Variants in VWF observed in about 807,000 individuals in gnomAD.
VWF encodes von Willebrand factor, also known as Factor VIII related antigen.
Under a neutral mutation model 308.6 loss-of-function variants are expected in VWF, and 176 were observed. The ratio of observed to expected loss-of-function variants is 0.57; its 90% CI spans 0.50 to 0.65. The LOEUF (loss-of-function observed/expected upper bound fraction) is 0.65. VWF is among the 30% of genes least tolerant of loss of function. The pLI, the probability that VWF is intolerant of heterozygous loss-of-function variation, is 0.00. For synonymous variants in VWF, 1,385 were observed against 1,443.4 expected (o/e 0.96, Z 0.92); for missense variants, 3,146 against 3,648.2 (o/e 0.86, Z 3.55).
chr12:6,088,404 G>A lies in VWF; in HGVS notation c.657+7056C>T, dbSNP rs957675222. Reference sequence around the variant, plus strand: ...TGAGGCGGGAGAATGGCGTGAACCCGGGAGGCGGAGCTTGCAGTGAGCCAA... The same window carrying A: ...TGAGGCGGGAGAATGGCGTGAACCCAGGAGGCGGAGCTTGCAGTGAGCCAA... On this transcript the variant is annotated intron_variant, in intron 6 of 51. Coordinates refer to ENST00000261405, the MANE Select transcript of VWF (RefSeq NM_000552.5). Among the ~76,000 whole-genome samples, 7 of 151,578 alleles carry A rather than the reference G, an allele frequency of 4.6e-5. No individual in the cohort carries two copies. The East Asian group carries it at 5.9e-4, about 13-fold the overall frequency.
rs1176026940 is a variant in VWF at position 5,960,062 on chromosome 12, TATATA to T, written c.7888-6473_7888-6469del. ...CTTTGAAAGATTAATAATATAATAA[TATATA>T]ATATAATAATAATTAATATATAATA... On this transcript the variant is annotated intron_variant, in intron 47 of 51. Transcript: ENST00000261405. Among the ~76,000 whole-genome samples the T allele has an allele frequency of 5.4e-5, 8 of 147,664 alleles. No individual in the cohort carries two copies. In the East Asian group the frequency reaches 1.6e-3, roughly 29 times the overall value.
chr12:5,976,159 G>C lies in VWF; in HGVS notation c.7389C>G (p.Leu2463=). ...GCTTCTGGGAGCACTGGGCCACGCG[G>C]AGGCCCATCACGGCATCCTCCATGT... ...CTDMEDAVMG[L]RVAQCSQKPC... Residue 2463 remains leucine (L), a synonymous_variant, in exon 43 of 52, where the codon CTC becomes CTG. Coordinates refer to ENST00000261405, the MANE Select transcript of VWF (RefSeq NM_000552.5). The C allele has an allele frequency of 6.2e-7, 1 of 1,614,104 alleles. No individual in the cohort carries two copies. Among genetic ancestry groups the C allele is most frequent in the East Asian group, 2.2e-5 (1 of 44,872 alleles).
chr12:6,015,650 A>G (rs1260825053), intron 31 of VWF, among the ~76,000 whole-genome samples: 2 of 151,944 alleles, frequency 1.3e-5, no homozygotes, highest in Non-Finnish European at 2.9e-5. Flanking sequence ...TTTGTCTCTC[A>G]TCCATCAACC....
intron 10 of VWF, among the ~76,000 whole-genome samples, chr12:6,070,765 T>C (rs1485318059): frequency 2.0e-5 from 3 of 152,020 alleles, no homozygotes; most frequent in South Asian, 2.1e-4. Context: ...ATGGCAGAGA[T>C]TGCTCAATAA....
chr12:6,039,683 T>C (rs1193738547), intron 18 of VWF, among the ~76,000 whole-genome samples: 1 of 152,216 alleles, frequency 6.6e-6, no homozygotes, highest in Non-Finnish European at 1.5e-5. Flanking sequence ...TAGGAGATAT[T>C]TCTGAAACAG....
chr12:6,057,954 C>T lies in VWF; in HGVS notation c.1624G>A (p.Ala542Thr), dbSNP rs765922774. Residue 542 changes from alanine to threonine, a missense_variant, in exon 14 of 52, where the codon GCG becomes ACG. Around this residue, in one of 3 missense-constraint regions of VWF, gnomAD observed 1,304 missense variants for 1,353.0 expected, o/e 0.96. Coordinates refer to ENST00000261405, the MANE Select transcript of VWF (RefSeq NM_000552.5). ...GDDFLTPSGL[A>T]EPRVEDFGNA... The stretch of plus-strand genomic sequence containing the variant: ...CCGAAGTCCTCCACCCGGGGCTCCG[C>T]CAGCCCAGAGGGGGTAAGGAAGTCG... 1 of 1,613,758 alleles carries T rather than the reference C, an allele frequency of 6.2e-7. No individual in the cohort carries two copies. The highest frequency in any genetic ancestry group is 1.7e-5 in the Admixed American group (1 of 60,030).
chr12:5,954,055 C>T (rs1047038154), intron 47 of VWF, among the ~76,000 whole-genome samples: 1 of 152,168 alleles, frequency 6.6e-6, no homozygotes, highest in Admixed American at 6.5e-5. Flanking sequence ...CTGCTTATCA[C>T]CAAATCTTGC....
At chr12:5,998,494 AAAAAATAT>A (rs1943835483) in intron 34 of VWF, among the ~76,000 whole-genome samples, 1 of 36,478 alleles carries the variant, frequency 2.7e-5, no homozygotes, top group Non-Finnish European at 4.5e-5. Flanking sequence ...AAAAAAAAAA[AAAAAATAT>A]ATATATATAT....
intron 5 of VWF, among the ~76,000 whole-genome samples, chr12:6,102,973 T>C (rs556078150): frequency 6.6e-6 from 1 of 152,106 alleles, no homozygotes; most frequent in Non-Finnish European, 1.5e-5. Context: ...TCACAATATG[T>C]GACTTCAAAA....
In VWF at chr12:6,019,167, C is replaced by T; in HGVS notation, c.4251G>A (p.Gly1417=). The T allele has an allele frequency of 6.2e-7, 1 of 1,613,878 alleles. No individual in the cohort carries two copies. Among genetic ancestry groups the T allele is most frequent in the Non-Finnish European group, 8.5e-7 (1 of 1,179,858 alleles). Residue 1417 remains glycine, a synonymous_variant, in exon 28 of 52, where the codon GGG becomes GGA. Coordinates refer to ENST00000261405, the MANE Select transcript of VWF (RefSeq NM_000552.5). The surrounding 1 kb of genome is among the most constrained non-coding windows in gnomAD (Gnocchi z 5.8). The stretch of plus-strand genomic sequence containing the variant: ...GGATCTGCTTGAGGTTGGCATGGGG[C>T]CCAATGCCCACCGGGATCACAATGA... ...KKVIVIPVGI[G]PHANLKQIRL...
chr12:6,019,557 C>A lies in VWF; in HGVS notation c.3861G>T (p.Arg1287Ser). The A allele has an allele frequency of 1.2e-6, 2 of 1,613,958 alleles. No individual in the cohort carries two copies. Among genetic ancestry groups the A allele is most frequent in the South Asian group, 2.2e-5 (2 of 91,074 alleles). Residue 1287 changes from arginine (R) to serine (S), a missense_variant, in exon 28 of 52, where the codon AGG becomes AGT. Coordinates refer to ENST00000261405, the MANE Select transcript of VWF (RefSeq NM_000552.5). This position sits in a 1 kb window ranked among gnomAD's most constrained non-coding sequence, Gnocchi z 5.8. ...DLVFLLDGSS[R>S]LSEAEFEVLK... ...GCACTTCAAACTCAGCCTCGGACAGCCTGGAGGAGCCATCCAGCAGGAAGA... is the reference window on the plus strand; with the variant it reads ...GCACTTCAAACTCAGCCTCGGACAGACTGGAGGAGCCATCCAGCAGGAAGA...
Position 6,013,564 on chromosome 12 carries a change from G to A in VWF, c.5537C>T (p.Ser1846Phe), listed in dbSNP as rs1385684947. Reference sequence around the variant, plus strand: ...GATTCGCTGGAGCTTCACCACGTTGGAGTCGCCTGCTGGGCCTGCCAAGAT... The same window carrying A: ...GATTCGCTGGAGCTTCACCACGTTGAAGTCGCCTGCTGGGCCTGCCAAGAT... ...LRILAGPAGD[S>F]NVVKLQRIED... The change falls in exon 32 of 52, where the codon TCC becomes TTC. Residue 1846 changes from serine to phenylalanine, a missense_variant. By Grantham distance (155) the Ser-to-Phe change is radical (BLOSUM62 -2). This residue lies in a region of VWF where 853 missense variants were observed against 1,177.8 expected (regional missense o/e 0.72). Coordinates refer to ENST00000261405, the MANE Select transcript of VWF (RefSeq NM_000552.5). 1 of 1,614,062 alleles carries A rather than the reference G, an allele frequency of 6.2e-7. No homozygotes were observed. The highest frequency in any genetic ancestry group is 8.5e-7 in the Non-Finnish European group (1 of 1,179,962).
chr12:5,987,549 C>T lies in VWF; in HGVS notation c.6799-1884G>A, dbSNP rs145411762. 6.4e-4 allele frequency among the ~76,000 whole-genome samples: 97 copies of T among 152,326 alleles called. 1 individual carries two copies. Among genetic ancestry groups the T allele is most frequent in the South Asian group, 6.0e-3 (29 of 4,826 alleles). On this transcript the variant is annotated intron_variant, in intron 38 of 51. Transcript: ENST00000261405. ...CGTGGGCAGGTCTGAACACACCATC[C>T]TAGCCCTCGAATGGCTGACAGTCAG...
Position 6,073,737 on chromosome 12 carries a change from TG to T in VWF, c.878del (p.Pro293GlnfsTer164). On this transcript the variant is annotated frameshift_variant, in exon 8 of 52. Transcript: ENST00000261405. LOFTEE classifies it high-confidence loss of function. ...YGWTDHSACS[P>X]VCPAGMEYRQ... ...TATACTCCATACCAGCAGGGCACAC[TG>T]GGCCTGAAAAGGAACATCAAAGGGG... The T allele has an allele frequency of 3.1e-6, 5 of 1,613,906 alleles. No homozygotes were observed. Among genetic ancestry groups the T allele is most frequent in the Non-Finnish European group, 4.2e-6 (5 of 1,179,990 alleles).
intron 6 of VWF, among the ~76,000 whole-genome samples, chr12:6,090,350 G>A (rs1945018172): frequency 6.6e-6 from 1 of 152,180 alleles, no homozygotes; most frequent in African/African-American, 2.4e-5. Flanking sequence ...GCTGGTTCCT[G>A]TCACTTACCC....
chr12:6,074,351 C>G (rs11615660), intron 7 of VWF, among the ~76,000 whole-genome samples: 6 of 152,160 alleles, frequency 3.9e-5, no homozygotes, highest in Non-Finnish European at 7.3e-5. Flanking sequence ...TACCCTGTAG[C>G]TGAGCGACAT....
At chr12:6,057,480 TTTATTATTATTATTATTATTATTA>T (rs10667650) in intron 14 of VWF, among the ~76,000 whole-genome samples, 36 of 129,562 alleles carry the variant, frequency 2.8e-4, no homozygotes, top group African/African-American at 7.6e-4. Flanking sequence ...GCCCGGCAAA[TTTATTATTATTATTATTATTATTA>T]TTATTATTAT....
At chr12:6,007,012 G>A (rs1033113648) in intron 34 of VWF, among the ~76,000 whole-genome samples, 10 of 152,114 alleles carry the variant, frequency 6.6e-5, no homozygotes, top group African/African-American at 2.4e-4. Context: ...ATTATATAGT[G>A]ATAAATGCAT....
chr12:5,964,018 T>C (rs1054057458), intron 47 of VWF, among the ~76,000 whole-genome samples: 50 of 146,344 alleles, frequency 3.4e-4, no homozygotes, highest in Admixed American at 8.6e-4. Context: ...CCATTCTGGT[T>C]AACACGGTGA....
Sources: allele counts gnomAD v4.1 joint callset (sites outside exome capture counted in the v4.1 genomes callset), GRCh38; gene constraint gnomAD v4.1.1; regional missense constraint gnomAD v4.1.1; non-coding constraint Gnocchi (gnomAD v3.1); transcripts MANE v1.5; gene names NCBI Gene and HGNC (gene_info 2026-07-23, HGNC 2026-07-21).